PCNX2: variants seen among roughly 807,000 people sequenced by gnomAD.
The protein encoded by PCNX2 is pecanex-like protein 2.
Under a neutral mutation model 223.8 loss-of-function variants are expected in PCNX2, and 168 were observed. That is an observed-to-expected ratio of 0.75 (90% CI 0.66 to 0.85). The LOEUF (loss-of-function observed/expected upper bound fraction) is 0.85. Ranked by LOEUF, PCNX2 falls within the 40% of genes least tolerant of loss-of-function variation. The pLI is 0.00. For missense variants in PCNX2, 2,507 were observed against 2,675.5 expected (o/e 0.94, Z 1.39); for synonymous variants, 1,006 against 1,052.6 (o/e 0.96, Z 0.86).
At position 233,043,610 on chromosome 1, in the gene PCNX2, T is replaced by C. The variant is rs570021862; in HGVS notation, c.4351+10658A>G. Among the ~76,000 whole-genome samples, 60 of 120,426 alleles carry C rather than the reference T, an allele frequency of 5.0e-4. 1 individual carries two copies. The highest frequency in any genetic ancestry group is 1.8e-3 in the African/African-American group (57 of 31,174). The allele number at this position is 120,426 out of a possible 152,430, so 79.0% of individuals were successfully genotyped here. On this transcript the variant is annotated intron_variant, in intron 25 of 33. Transcript: ENST00000258229. Reference sequence around the variant, plus strand: ...TGTGATGTTCCCCTTCCTGTGTCCATGTGTTCTCATTGTTCAATTCCCACC... The same window carrying C: ...TGTGATGTTCCCCTTCCTGTGTCCACGTGTTCTCATTGTTCAATTCCCACC...
chr1:233,005,919 C>T (rs1670267870), intron 28 of PCNX2, among the ~76,000 whole-genome samples: 1 of 152,186 alleles, frequency 6.6e-6, no homozygotes, highest in South Asian at 2.1e-4. Context: ...ACTAAAACAG[C>T]CCCCACTCGC....
intron 1 of PCNX2, chr1:233,285,083 T>C (rs574135179): frequency 8.9e-5 from 81 of 907,274 alleles, no homozygotes; most frequent in Middle Eastern, 1.1e-3. Flanking sequence ...CCGGGTGCAG[T>C]GGTTCACGCC....
chr1:233,070,967 C>G (rs920725795), intron 23 of PCNX2, among the ~76,000 whole-genome samples: 30 of 152,138 alleles, frequency 2.0e-4, no homozygotes, highest in African/African-American at 7.2e-4. Context: ...ACCCGGGAGG[C>G]GGAGCTTGCA....
chr1:233,185,130 CAT>C (rs1553308852), intron 15 of PCNX2, among the ~76,000 whole-genome samples: 50 of 134,332 alleles, frequency 3.7e-4, no homozygotes, highest in Non-Finnish European at 5.7e-4. Context: ...CACACACACA[CAT>C]CCCTCAGATT....
In PCNX2 at chr1:233,227,499, G is replaced by A. The variant is rs191142618; in HGVS notation, c.2359-128C>T. On this transcript the variant is annotated intron_variant, in intron 9 of 33. Coordinates refer to ENST00000258229, the MANE Select transcript of PCNX2 (RefSeq NM_014801.4). ...ACACCATAATTTAAAAATACAAAAA[G>A]CAAATGTTCAAATTCTGATATGTAA... is the stretch of plus-strand genomic sequence containing the variant. The A allele has an allele frequency of 1.6e-3, 1,326 of 845,224 alleles. 11 individuals carry two copies. In the African/African-American group the frequency reaches 0.02, roughly 13 times the overall value. 52.4% of individuals were successfully genotyped at this position (845,224 alleles called of 1,614,324 possible). A position where few individuals can be genotyped will look rare whatever the true frequency, so the allele number is the denominator to read the frequency against.
chr1:233,078,260 A>G (rs1241876801), intron 23 of PCNX2, among the ~76,000 whole-genome samples: 1 of 152,198 alleles, frequency 6.6e-6, no homozygotes, highest in East Asian at 1.9e-4. Context: ...AGTCACTTGG[A>G]GTATTGGCCG....
chr1:233,098,006 G>T (rs1399149814), intron 21 of PCNX2, among the ~76,000 whole-genome samples: 2 of 152,070 alleles, frequency 1.3e-5, no homozygotes, highest in Non-Finnish European at 2.9e-5. Context: ...AATACCTCTG[G>T]ATTTGAAATC....
Position 233,177,869 on chromosome 1 carries a change from T to G in PCNX2, c.3206A>C (p.Lys1069Thr). 1 of 1,613,900 alleles carries G rather than the reference T, an allele frequency of 6.2e-7. No individual in the cohort carries two copies. Among genetic ancestry groups the G allele is most frequent in the Non-Finnish European group, 8.5e-7 (1 of 1,179,844 alleles). Residue 1069 changes from lysine to threonine, a missense_variant, in exon 17 of 34, where the codon AAA (lysine) becomes ACA (threonine). Physicochemically the swap from Lys to Thr is moderately conservative, Grantham distance 78. Around this residue, in one of 3 missense-constraint regions of PCNX2, gnomAD observed 1,372 missense variants for 1,509.4 expected, o/e 0.91. Coordinates refer to ENST00000258229, the MANE Select transcript of PCNX2 (RefSeq NM_014801.4). ...MSFIQCRLFP[K>T]FLHQNLAESA... The stretch of plus-strand genomic sequence containing the variant: ...CTCTGCCAGATTTTGATGTAAAAAT[T>G]TAGGAAACAGCCTGCATTGGATGAA...
At chr1:233,278,524 T>C (rs924787902) in intron 1 of PCNX2, among the ~76,000 whole-genome samples, 2 of 152,284 alleles carry the variant, frequency 1.3e-5, no homozygotes, top group Middle Eastern at 3.4e-3. Flanking sequence ...ATCTCATGGG[T>C]CAGAGGGAGG....
chr1:232,985,626 A>T (rs930791674), intron 33 of PCNX2: 1 of 310,248 alleles, frequency 3.2e-6, no homozygotes, highest in Non-Finnish European at 5.9e-6. Context: ...TAGTATTTAA[A>T]TACCTAAAAG....
intron 21 of PCNX2, among the ~76,000 whole-genome samples, chr1:233,117,555 C>T (rs565765629): frequency 1.4e-5 from 2 of 145,330 alleles, no homozygotes; most frequent in Non-Finnish European, 3.0e-5. Context: ...GAGCCGAGAT[C>T]GCGCCACTGG....
At chr1:233,111,612 C>T (rs1270178085) in intron 21 of PCNX2, among the ~76,000 whole-genome samples, 1 of 152,022 alleles carries the variant, frequency 6.6e-6, no homozygotes, top group East Asian at 1.9e-4. Context: ...CTATGTTGTC[C>T]AGGGTGGTCT....
chr1:232,986,202 T>C lies in PCNX2; in HGVS notation c.6130A>G (p.Ile2044Val). Residue 2044 changes from isoleucine (I) to valine (V), a missense_variant, in exon 33 of 34, where the codon ATT becomes GTT. This residue lies in a region of PCNX2 where 1,372 missense variants were observed against 1,509.4 expected (regional missense o/e 0.91). Coordinates refer to ENST00000258229, the MANE Select transcript of PCNX2 (RefSeq NM_014801.4). ...CCCTCCGCAGCAGAGAGTCCGGAAA[T>C]GACGAGCGCGCTGGAAAAGCTCCTC... is the stretch of plus-strand genomic sequence containing the variant. ...GKRSFSSALV[I>V]SGLSAAEGGN... The C allele has an allele frequency of 6.4e-7, 1 of 1,559,818 alleles. No homozygotes were observed. Among genetic ancestry groups the C allele is most frequent in the African/African-American group, 1.4e-5 (1 of 73,672 alleles).
Position 233,289,301 on chromosome 1 carries a change from C to T in PCNX2, c.153+6025G>A, listed in dbSNP as rs1661625346. ...TCTGACCACCACCAACCTCAATTTC[C>T]TTGGCTGCCATAATATTCAGCTCCC... On this transcript the variant is annotated intron_variant, in intron 1 of 33. Coordinates refer to ENST00000258229, the MANE Select transcript of PCNX2 (RefSeq NM_014801.4). 3.5e-5 allele frequency: 35 copies of T among 988,506 alleles called. No individual in the cohort carries two copies. The South Asian group carries it at 4.5e-4, about 13-fold the overall frequency. The allele number at this position is 988,506 out of a possible 1,614,324, so 61.2% of individuals were successfully genotyped here. A position where few individuals can be genotyped will look rare whatever the true frequency, so the allele number is the denominator to read the frequency against.
Position 233,228,505 on chromosome 1 carries a change from C to T in PCNX2, c.2359-1134G>A, listed in dbSNP as rs2102948036. Among the ~76,000 whole-genome samples the T allele has an allele frequency of 2.0e-5, 3 of 152,286 alleles. No individual in the cohort carries two copies. The Middle Eastern group carries it at 0.01, about 518-fold the overall frequency. On this transcript the variant is annotated intron_variant, in intron 9 of 33. Transcript: ENST00000258229. ...ACCCCAACTCCCCATTTACCCTCCC[C>T]CCAGCCTCTGGTAACCACTTTTAGG...
At chr1:233,024,976 C>G (rs1413416799) in intron 26 of PCNX2, among the ~76,000 whole-genome samples, 170 bp downstream of exon 26, 1 of 152,208 alleles carries the variant, frequency 6.6e-6, no homozygotes, top group Non-Finnish European at 1.5e-5. Flanking sequence ...CAGGTTAAAT[C>G]AAAGCCCTCT....
At chr1:233,286,481 T>C (rs1476115329) in intron 1 of PCNX2, among the ~76,000 whole-genome samples, 1 of 151,560 alleles carries the variant, frequency 6.6e-6, no homozygotes, top group Non-Finnish European at 1.5e-5. Context: ...TAGAGTGTGG[T>C]GGGGAAAGGA....
At chr1:233,116,362 C>T (rs1330185819) in intron 21 of PCNX2, among the ~76,000 whole-genome samples, 1 of 151,964 alleles carries the variant, frequency 6.6e-6, no homozygotes, top group Non-Finnish European at 1.5e-5. Flanking sequence ...CAAAGATAGA[C>T]CATATTCTAG....
chr1:233,046,866 C>T (rs1017414138), intron 25 of PCNX2, among the ~76,000 whole-genome samples: 6 of 152,174 alleles, frequency 3.9e-5, no homozygotes, highest in Admixed American at 6.5e-5. Flanking sequence ...TGAGGCAGAA[C>T]CACTTTTTCT....
Sources: gnomAD v4.1 joint callset for allele counts (sites outside exome capture counted in the v4.1 genomes callset) on GRCh38, gnomAD v4.1.1 for gene constraint, gnomAD v4.1.1 regional missense constraint, MANE v1.5 for transcripts, NCBI Gene and HGNC (gene_info 2026-07-23, HGNC 2026-07-21) for gene names.